Variants in JAK1 observed in about 807,000 individuals in gnomAD.
JAK1 encodes tyrosine-protein kinase JAK1.
Under a neutral mutation model 136.6 loss-of-function variants are expected in JAK1, and 16 were observed. The observed-to-expected ratio is 0.12, with a 90% CI of 0.08 to 0.18. The LOEUF (loss-of-function observed/expected upper bound fraction) is 0.18. Among genes scored for constraint, JAK1 ranks in the 10% least tolerant of loss-of-function variants. JAK1 has a pLI of 1.00. For missense variants in JAK1, 859 were observed against 1,450.1 expected (o/e 0.59, Z 6.62); for synonymous variants, 492 against 519.5 (o/e 0.95, Z 0.72).
intron 1 of JAK1, among the ~76,000 whole-genome samples, chr1:65,052,118 ATTTTTT>A (rs71056073): frequency 5.3e-5 from 5 of 93,566 alleles, no homozygotes; most frequent in African/African-American, 1.3e-4. Flanking sequence ...ACGCCTGGCT[ATTTTTT>A]TTTTTTTTTT....
chr1:65,030,545 T>C (rs947317329), intron 2 of JAK1, among the ~76,000 whole-genome samples: 2 of 151,984 alleles, frequency 1.3e-5, no homozygotes, highest in African/African-American at 4.8e-5. Context: ...AATTTTTTTT[T>C]TTTTTGAGAC....
intron 2 of JAK1, among the ~76,000 whole-genome samples, chr1:65,030,870 G>A (rs1367719306): frequency 1.3e-5 from 2 of 152,044 alleles, no homozygotes; most frequent in African/African-American, 2.4e-5. Flanking sequence ...AAGAAAAAAC[G>A]GTGGCCAGTG....
At chr1:64,915,147 A>C (rs1645372383) in intron 1 of JAK1, among the ~76,000 whole-genome samples, 1 of 152,196 alleles carries the variant, frequency 6.6e-6, no homozygotes, top group Non-Finnish European at 1.5e-5. Flanking sequence ...AAAATGGCAG[A>C]TTGAACAGAA....
chr1:64,870,326 A>C (rs895621064), intron 5 of JAK1, among the ~76,000 whole-genome samples: 2 of 152,206 alleles, frequency 1.3e-5, no homozygotes, highest in African/African-American at 4.8e-5. Flanking sequence ...GTAATTATTG[A>C]GAACTAATTA....
chr1:65,043,208 GC>G (rs1238612138), intron 2 of JAK1, among the ~76,000 whole-genome samples: 1 of 152,132 alleles, frequency 6.6e-6, no homozygotes, highest in Non-Finnish European at 1.5e-5. Context: ...TTTGTAATTA[GC>G]CTCCATTAAT....
intron 1 of JAK1, among the ~76,000 whole-genome samples, chr1:64,947,862 C>CAA (rs1301821781): frequency 6.6e-6 from 1 of 151,776 alleles, no homozygotes; most frequent in East Asian, 1.9e-4. Flanking sequence ...CTGAAGGGAA[C>CAA]AATGAATTTT....
At chr1:65,013,518 C>T (rs557069611) in intron 2 of JAK1, among the ~76,000 whole-genome samples, 5 of 152,228 alleles carry the variant, frequency 3.3e-5, no homozygotes, top group Admixed American at 3.3e-4. Flanking sequence ...CTGACCAGTA[C>T]AATGAGGAAA....
chr1:65,065,991 G>T (rs1044579608), intron 1 of JAK1, among the ~76,000 whole-genome samples: 2 of 151,998 alleles, frequency 1.3e-5, no homozygotes, highest in Non-Finnish European at 2.9e-5. Context: ...CGGGGGAAAG[G>T]GGGGCTGGGG....
At chr1:65,055,005 T>G (rs552303344) in intron 1 of JAK1, among the ~76,000 whole-genome samples, 1 of 152,360 alleles carries the variant, frequency 6.6e-6, no homozygotes, top group South Asian at 2.1e-4. Context: ...TTATCCTGAA[T>G]CTCTTTTATT....
intron 2 of JAK1, among the ~76,000 whole-genome samples, chr1:65,043,140 C>T (rs557578860): frequency 3.9e-5 from 6 of 152,220 alleles, no homozygotes; most frequent in East Asian, 3.9e-4. Flanking sequence ...TTATCCCAAT[C>T]GCAGAAATAT....
At chr1:64,892,352 C>T (rs310252) in intron 1 of JAK1, among the ~76,000 whole-genome samples, 32,658 of 151,942 alleles carry the variant, frequency 0.21, 4,903 homozygotes, top group African/African-American at 0.42. Context: ...ACAATCATGG[C>T]TCACTGCAGC....
At chr1:64,894,174 T>C (rs1644979241) in intron 1 of JAK1, among the ~76,000 whole-genome samples, 1 of 152,210 alleles carries the variant, frequency 6.6e-6, no homozygotes, top group Admixed American at 6.5e-5. Context: ...TCACCAGGAC[T>C]GGACTCCCAA....
intron 2 of JAK1, among the ~76,000 whole-genome samples, chr1:65,019,916 A>C (rs570828087): frequency 2.8e-5 from 4 of 142,908 alleles, no homozygotes; most frequent in African/African-American, 1.0e-4. Context: ...ACTCTGTCTC[A>C]AAAAAAAAAG....
chr1:64,886,751 T>TACACACACAC lies in JAK1; in HGVS notation c.-77-420_-77-411dup, dbSNP rs3838404. On this transcript the variant is annotated intron_variant, in intron 1 of 24. Transcript: ENST00000342505. ...AGAATTACCCCGCCCCAACCTTGTCTACACACACACACACACACACACACA... is the reference window on the plus strand; with the variant it reads ...AGAATTACCCCGCCCCAACCTTGTCTACACACACACACACACACACACACACACACACACA... Among the ~76,000 whole-genome samples the TACACACACAC allele has an allele frequency of 1.3e-3, 175 of 138,942 alleles. No individual in the cohort carries two copies. In the Middle Eastern group the frequency reaches 0.014, roughly 11 times the overall value. 91.2% of individuals were successfully genotyped at this position (138,942 alleles called of 152,430 possible).
chr1:65,049,814 T>C (rs1329476866), intron 1 of JAK1, among the ~76,000 whole-genome samples: 2 of 152,186 alleles, frequency 1.3e-5, no homozygotes, highest in Non-Finnish European at 2.9e-5. Context: ...TCTCTTAGCA[T>C]TGCAAGCCCT....
At chr1:64,922,195 C>G (rs1645506480) in intron 1 of JAK1, among the ~76,000 whole-genome samples, 2 of 151,968 alleles carry the variant, frequency 1.3e-5, no homozygotes, top group Admixed American at 6.6e-5. Context: ...CCCCACCCCC[C>G]AGTTAGTTAC....
intron 1 of JAK1, among the ~76,000 whole-genome samples, chr1:64,914,635 C>G (rs560775748): frequency 6.6e-6 from 1 of 152,234 alleles, no homozygotes; most frequent in Non-Finnish European, 1.5e-5. Context: ...GTGATCTCAG[C>G]TCACTGCAAC....
At chr1:64,913,705 A>AAGGAAAGAAGGG (rs764180012) in intron 1 of JAK1, among the ~76,000 whole-genome samples, 30 of 35,744 alleles carry the variant, frequency 8.4e-4, no homozygotes, top group Non-Finnish European at 1.0e-3. Flanking sequence ...GGAAGGAAAG[A>AAGGAAAGAAGGG]AGGGAGGGAG....
chr1:64,844,677 AC>A lies in JAK1; in HGVS notation c.2251+76del. 1 of 1,574,826 alleles carries A rather than the reference AC, an allele frequency of 6.3e-7. No homozygotes were observed. Among genetic ancestry groups the A allele is most frequent in the Non-Finnish European group, 8.7e-7 (1 of 1,148,828 alleles). Reference sequence around the variant, plus strand: ...AAAATGACTCTCTAAAAGGAGACCAACCCCAGCCCAGCCCTTCTCTCTGCTG... The same window carrying A: ...AAAATGACTCTCTAAAAGGAGACCAACCCAGCCCAGCCCTTCTCTCTGCTG... On this transcript the variant is annotated intron_variant, in intron 16 of 24. Coordinates refer to ENST00000342505, the MANE Select transcript of JAK1 (RefSeq NM_002227.4). This position sits in a 1 kb window ranked among gnomAD's most constrained non-coding sequence, Gnocchi z 5.7.
Sources: gnomAD v4.1 joint callset for allele counts (sites outside exome capture counted in the v4.1 genomes callset) on GRCh38, gnomAD v4.1.1 for gene constraint, Gnocchi (gnomAD v3.1) non-coding constraint, MANE v1.5 for transcripts, NCBI Gene and HGNC (gene_info 2026-07-23, HGNC 2026-07-21) for gene names.